SLBP: variants seen among roughly 807,000 people sequenced by gnomAD.
The protein encoded by SLBP is histone RNA hairpin-binding protein.
In SLBP, 29 loss-of-function variants were observed where a neutral mutation model predicts 39.2. That is an observed-to-expected ratio of 0.74 (90% CI 0.55 to 1.01). The LOEUF (loss-of-function observed/expected upper bound fraction) is 1.01. SLBP is among the 50% of genes least tolerant of loss of function. SLBP has a pLI of 0.00. For missense variants in SLBP, 390 were observed against 350.2 expected, an observed-to-expected ratio of 1.11 and a Z score of -0.91; for synonymous variants, 129 against 118.7, an observed-to-expected ratio of 1.09 and a Z score of -0.57.
In SLBP at chr4:1,696,361, AAAG is replaced by A. The variant is rs1716105291; in HGVS notation, c.480-13_480-11del. 3.2e-6 allele frequency: 5 copies of A among 1,555,526 alleles called. No homozygotes were observed. Among genetic ancestry groups the A allele is most frequent in the Non-Finnish European group, 4.3e-6 (5 of 1,151,608 alleles). On this transcript the variant is annotated splice_polypyrimidine_tract_variant and intron_variant, in intron 5 of 7. Coordinates refer to ENST00000489418, the MANE Select transcript of SLBP (RefSeq NM_006527.4). ...AGGTTGTCGAAGGTGTCTACAGGAGAAAGATTATTCTAGCACATGCCCACATGC... is the reference window on the plus strand; with the variant it reads ...AGGTTGTCGAAGGTGTCTACAGGAGAATTATTCTAGCACATGCCCACATGC...
chr4:1,701,146 C>CTTTTTTTTTTTTTTTTT (rs369039404), intron 3 of SLBP, among the ~76,000 whole-genome samples: 2 of 123,674 alleles, frequency 1.6e-5, no homozygotes, highest in Non-Finnish European at 3.3e-5. Context: ...TCTTTTTTTT[C>CTTTTTTTTTTTTTTTTT]TTTTTTTTTT....
At chr4:1,706,628 A>G (rs1355378823) in intron 2 of SLBP, among the ~76,000 whole-genome samples, 1 of 152,056 alleles carries the variant, frequency 6.6e-6, no homozygotes, top group Non-Finnish European at 1.5e-5. Flanking sequence ...CAACATGGTG[A>G]AACCCAGCGT....
chr4:1,706,858 C>T (rs1716536979), intron 2 of SLBP, among the ~76,000 whole-genome samples: 1 of 151,560 alleles, frequency 6.6e-6, no homozygotes, highest in Admixed American at 6.6e-5. Flanking sequence ...ATAGTCCGGG[C>T]GTGGTGGCTC....
At chr4:1,700,756 T>C (rs762735730) in intron 3 of SLBP, among the ~76,000 whole-genome samples, 5 of 152,058 alleles carry the variant, frequency 3.3e-5, no homozygotes, top group African/African-American at 4.8e-5. Context: ...TTTGGAGACA[T>C]GGAGGTCTGT....
intron 5 of SLBP, among the ~76,000 whole-genome samples, chr4:1,698,983 TCTC>T (rs1442844618): frequency 4.6e-5 from 7 of 150,794 alleles, no homozygotes; most frequent in African/African-American, 1.7e-4. Context: ...AGAGATGAGG[TCTC>T]CTTATATTGC....
chr4:1,699,900 GTA>G (rs1716260004), intron 4 of SLBP, 109 bp downstream of exon 4: 1 of 858,450 alleles, frequency 1.2e-6, no homozygotes. Context: ...AGTGAAAAAG[GTA>G]TTAATAAATG....
At chr4:1,701,913 AT>A (rs1484179763) in intron 3 of SLBP, among the ~76,000 whole-genome samples, 1 of 152,220 alleles carries the variant, frequency 6.6e-6, no homozygotes, top group African/African-American at 2.4e-5. Flanking sequence ...TCTCAAAAAA[AT>A]AAGTAAGTAA....
At chr4:1,697,350 T>C (rs776975570) in intron 5 of SLBP, among the ~76,000 whole-genome samples, 1 of 151,378 alleles carries the variant, frequency 6.6e-6, no homozygotes, top group African/African-American at 2.4e-5. Context: ...ACACCTGTAA[T>C]CCCAGCTACT....
chr4:1,696,565 C>A (rs1298251014), intron 5 of SLBP, among the ~76,000 whole-genome samples: 1 of 151,904 alleles, frequency 6.6e-6, no homozygotes, highest in African/African-American at 2.4e-5. Context: ...CACAGTGAGA[C>A]CTCGTCTCTA....
chr4:1,693,838 G>A (rs1047685318), intron 7 of SLBP, 125 bp from the exon 8 acceptor site: 39 of 666,946 alleles, frequency 5.8e-5, no homozygotes, highest in African/African-American at 4.1e-4. Context: ...TACACTTCAC[G>A]TGCAACTGAG....
intron 2 of SLBP, among the ~76,000 whole-genome samples, chr4:1,704,265 T>C (rs1417324289): frequency 6.6e-6 from 1 of 152,196 alleles, no homozygotes; most frequent in Non-Finnish European, 1.5e-5. Context: ...ATTTTTGCAG[T>C]GTGTGTGGCA....
At chr4:1,699,886 A>G (rs1257664395) in intron 4 of SLBP, 125 bp downstream of exon 4, 15 of 814,582 alleles carry the variant, frequency 1.8e-5, no homozygotes, top group East Asian at 1.8e-4. Flanking sequence ...CAGTATTTCA[A>G]ATTAGTGAAA....
intron 2 of SLBP, among the ~76,000 whole-genome samples, chr4:1,706,156 G>A (rs773264431): frequency 3.9e-5 from 6 of 152,064 alleles, no homozygotes; most frequent in Non-Finnish European, 8.8e-5. Context: ...GCAGTGGTGC[G>A]CACCAGTAGG....
chr4:1,698,034 G>A (rs1380235164), intron 5 of SLBP, among the ~76,000 whole-genome samples: 2 of 151,928 alleles, frequency 1.3e-5, no homozygotes, highest in African/African-American at 4.8e-5. Context: ...GGTTGAGGTA[G>A]GAGGATTGCT....
Position 1,700,916 on chromosome 4 carries a change from T to C in SLBP, c.282-846A>G, listed in dbSNP as rs555019135. On this transcript the variant is annotated intron_variant, in intron 3 of 7. Transcript: ENST00000489418. The stretch of plus-strand genomic sequence containing the variant: ...TGTATTACTGTGCCTCCTCTCAAAA[T>C]CTAAAATCCACCCAAGTTTGCTGAG... Among the ~76,000 whole-genome samples, 11 of 152,084 alleles carry C rather than the reference T, an allele frequency of 7.2e-5. 1 individual carries two copies. The South Asian group carries it at 2.3e-3, about 32-fold the overall frequency.
rs755161422 is a variant in SLBP, at chr4:1,703,580, G to A, written c.281+16C>T. 5 of 1,467,002 alleles carry A rather than the reference G, an allele frequency of 3.4e-6. No homozygotes were observed. Among genetic ancestry groups the A allele is most frequent in the South Asian group, 3.4e-5 (3 of 88,126 alleles). 90.9% of individuals were successfully genotyped at this position (1,467,002 alleles called of 1,614,324 possible). ...ACGCCACAGATTAACACTTCAAGGT[G>A]GTCCAAAATGTGTACCTTGCCATTT... On this transcript the variant is annotated intron_variant, in intron 3 of 7. Transcript: ENST00000489418.
chr4:1,712,013 C>G (rs1404812222), intron 1 of SLBP, 23 bp from the exon 2 acceptor site: 1 of 1,283,544 alleles, frequency 7.8e-7, no homozygotes, highest in Non-Finnish European at 9.9e-7. Context: ...ACGCGGTCGG[C>G]TGGGCACGGG....
chr4:1,711,383 G>A (rs919514537), intron 2 of SLBP, among the ~76,000 whole-genome samples: 1 of 151,688 alleles, frequency 6.6e-6, no homozygotes, highest in Non-Finnish European at 1.5e-5. Flanking sequence ...GAAAAGCCCC[G>A]CCACTACGAC....
chr4:1,709,663 G>A (rs1285535900), intron 2 of SLBP, among the ~76,000 whole-genome samples: 5 of 150,658 alleles, frequency 3.3e-5, no homozygotes, highest in African/African-American at 7.3e-5. Context: ...CCCAGCTGGA[G>A]TGTAGTGGGG....
Sources: allele counts gnomAD v4.1 joint callset (sites outside exome capture counted in the v4.1 genomes callset), GRCh38; gene constraint gnomAD v4.1.1; transcripts MANE v1.5; gene names NCBI Gene and HGNC (gene_info 2026-07-23, HGNC 2026-07-21).